The following EFNA5 variants were observed in gnomAD, a reference collection of about 807,000 sequenced individuals.
The protein encoded by EFNA5 is ephrin A5.
In EFNA5, 5 loss-of-function variants were observed where a neutral mutation model predicts 22.9. The observed-to-expected ratio is 0.22, with a 90% CI of 0.11 to 0.46. The LOEUF (loss-of-function observed/expected upper bound fraction) is 0.46, where lower values mean the gene tolerates loss of function less well. Among genes scored for constraint, EFNA5 ranks in the 20% least tolerant of loss-of-function variants. EFNA5 has a pLI of 0.99. For synonymous variants in EFNA5, 113 were observed against 112.2 expected (o/e 1.01, Z -0.04); for missense variants, 237 against 293.3 (o/e 0.81, Z 1.40).
intron 1 of EFNA5, among the ~76,000 whole-genome samples, chr5:107,500,882 A>AAC (rs1370265341): frequency 1.3e-5 from 2 of 150,324 alleles, no homozygotes; most frequent in East Asian, 3.9e-4. Flanking sequence ...AAAAAAAAAC[A>AAC]AAACAAAAAG....
chr5:107,467,647 C>A (rs1410745610), intron 1 of EFNA5, among the ~76,000 whole-genome samples: 2 of 152,218 alleles, frequency 1.3e-5, no homozygotes, highest in African/African-American at 4.8e-5. Context: ...TCCGGTCTCA[C>A]AGCCTGTTCA....
intron 1 of EFNA5, among the ~76,000 whole-genome samples, chr5:107,459,717 G>A (rs537903121): frequency 2.2e-4 from 33 of 152,154 alleles, no homozygotes; most frequent in Non-Finnish European, 3.4e-4. Flanking sequence ...GAATTGAGTT[G>A]TCACGCAATG....
chr5:107,632,516 G>A (rs945036362), intron 1 of EFNA5, among the ~76,000 whole-genome samples: 7 of 152,108 alleles, frequency 4.6e-5, no homozygotes, highest in African/African-American at 1.2e-4. Flanking sequence ...TTAACATACT[G>A]TTATCTACCT....
At chr5:107,625,908 C>T (rs1043589508) in intron 1 of EFNA5, among the ~76,000 whole-genome samples, 8 of 152,126 alleles carry the variant, frequency 5.3e-5, no homozygotes, top group African/African-American at 1.4e-4. Flanking sequence ...TCTTAAATTA[C>T]AATATAGAAG....
intron 1 of EFNA5, among the ~76,000 whole-genome samples, chr5:107,627,888 T>C (rs1389097547): frequency 2.0e-5 from 3 of 152,196 alleles, no homozygotes; most frequent in Non-Finnish European, 4.4e-5. Flanking sequence ...ATACATTTAT[T>C]ATCTCCATCA....
intron 1 of EFNA5, among the ~76,000 whole-genome samples, chr5:107,535,200 A>G (rs1368791079): frequency 6.6e-6 from 1 of 152,214 alleles, no homozygotes; most frequent in East Asian, 1.9e-4. Flanking sequence ...AGAGGACTGC[A>G]GACTTAGAAA....
chr5:107,658,882 A>C (rs1031238938), intron 1 of EFNA5, among the ~76,000 whole-genome samples: 4 of 152,196 alleles, frequency 2.6e-5, no homozygotes, highest in African/African-American at 9.7e-5. Flanking sequence ...CGAATGCTTC[A>C]TGATGACAGG....
intron 1 of EFNA5, among the ~76,000 whole-genome samples, chr5:107,437,576 T>C (rs1281083076): frequency 6.6e-6 from 1 of 152,254 alleles, no homozygotes; most frequent in African/African-American, 2.4e-5. Flanking sequence ...ACTAGTTTTA[T>C]ATAGATTTAT....
At position 107,378,098 on chromosome 5, in the gene EFNA5, C is replaced by T. The variant is rs1233121627; in HGVS notation, c.*3157G>A. The T allele has an allele frequency of 6.6e-6, 1 of 151,684 alleles. No individual in the cohort carries two copies. Among genetic ancestry groups the T allele is most frequent in the Non-Finnish European group, 1.5e-5 (1 of 67,952 alleles). 9.4% of individuals were successfully genotyped at this position (151,684 alleles called of 1,614,324 possible). A position where few individuals can be genotyped will look rare whatever the true frequency, so the allele number is the denominator to read the frequency against. ...GTATCCTGAAAGTCTATTGTTCTCA[C>T]TTACAAAAGACATAAGAATCAAATT... On this transcript the variant is annotated 3_prime_UTR_variant, in exon 5 of 5. Transcript: ENST00000333274.
chr5:107,538,760 G>T (rs535201279), intron 1 of EFNA5, among the ~76,000 whole-genome samples: 7 of 152,178 alleles, frequency 4.6e-5, no homozygotes, highest in Non-Finnish European at 1.0e-4. Context: ...CGCTATGTTC[G>T]TAATTTTGTA....
intron 1 of EFNA5, among the ~76,000 whole-genome samples, chr5:107,550,717 A>C (rs1316141311): frequency 6.6e-6 from 1 of 152,212 alleles, no homozygotes; most frequent in Non-Finnish European, 1.5e-5. Flanking sequence ...CCATCATAAT[A>C]GAGACTTGTC....
chr5:107,493,395 G>A (rs153695), intron 1 of EFNA5, among the ~76,000 whole-genome samples: 6 of 151,834 alleles, frequency 4.0e-5, no homozygotes, highest in Non-Finnish European at 8.8e-5. Context: ...GAATGTGTGC[G>A]GTAACTGCAG....
intron 1 of EFNA5, among the ~76,000 whole-genome samples, chr5:107,519,208 C>T (rs1747544814): frequency 6.6e-6 from 1 of 152,142 alleles, no homozygotes; most frequent in Admixed American, 6.5e-5. Flanking sequence ...TTTTAACCAT[C>T]AAAATATCCT....
At chr5:107,448,930 A>G (rs530717008) in intron 1 of EFNA5, among the ~76,000 whole-genome samples, 5 of 152,136 alleles carry the variant, frequency 3.3e-5, no homozygotes, top group Middle Eastern at 3.4e-3. Flanking sequence ...CAGCTCTTAC[A>G]TATCACCATG....
In EFNA5 at chr5:107,442,177, G is replaced by A. The variant is rs143362424; in HGVS notation, c.126-14668C>T. ...GCATGACATCAGCTTGCAAAGAGATGGCCTTTTTTTTTCCCATTGATACTT... is the reference window on the plus strand; with the variant it reads ...GCATGACATCAGCTTGCAAAGAGATAGCCTTTTTTTTTCCCATTGATACTT... On this transcript the variant is annotated intron_variant, in intron 1 of 4. Transcript: ENST00000333274. 8.5e-5 allele frequency among the ~76,000 whole-genome samples: 12 copies of A among 141,884 alleles called. No individual in the cohort carries two copies. The East Asian group carries it at 3.2e-3, about 38-fold the overall frequency. The allele number at this position is 141,884 out of a possible 152,430, so 93.1% of individuals were successfully genotyped here.
At chr5:107,531,194 A>G (rs1488939473) in intron 1 of EFNA5, among the ~76,000 whole-genome samples, 1 of 152,214 alleles carries the variant, frequency 6.6e-6, no homozygotes, top group African/African-American at 2.4e-5. Flanking sequence ...ATTCTGGTTA[A>G]CTGTAAGCTC....
At chr5:107,639,283 C>T (rs1246624501) in intron 1 of EFNA5, among the ~76,000 whole-genome samples, 2 of 152,182 alleles carry the variant, frequency 1.3e-5, no homozygotes, top group Non-Finnish European at 2.9e-5. Flanking sequence ...TTGGTAAATT[C>T]GGTAAGATGA....
At chr5:107,520,745 T>C (rs1747579239) in intron 1 of EFNA5, among the ~76,000 whole-genome samples, 1 of 152,242 alleles carries the variant, frequency 6.6e-6, no homozygotes, top group Admixed American at 6.5e-5. Context: ...TGTTTCTGAC[T>C]GCTTGGTACC....
At chr5:107,461,812 A>AT (rs554298898) in intron 1 of EFNA5, among the ~76,000 whole-genome samples, 20 of 151,964 alleles carry the variant, frequency 1.3e-4, no homozygotes, top group South Asian at 4.2e-4. Flanking sequence ...CATTGAGTAA[A>AT]TTTTTTTTTA....
Sources: gnomAD v4.1 joint callset for allele counts (sites outside exome capture counted in the v4.1 genomes callset) on GRCh38, gnomAD v4.1.1 for gene constraint, MANE v1.5 for transcripts, NCBI Gene and HGNC (gene_info 2026-07-23, HGNC 2026-07-21) for gene names.